CDK12: variants seen among roughly 807,000 people sequenced by gnomAD.
CDK12 encodes cyclin dependent kinase 12.
Under a neutral mutation model 133.8 loss-of-function variants are expected in CDK12, and 17 were observed. The observed-to-expected ratio is 0.13, with a 90% CI of 0.09 to 0.19. The LOEUF is 0.19. CDK12 is among the 10% of genes least tolerant of loss of function. CDK12 has a pLI of 1.00. For synonymous variants in CDK12, 694 were observed against 683.6 expected, an observed-to-expected ratio of 1.02 and a Z score of -0.24; for missense variants, 1,508 against 1,818.7, an observed-to-expected ratio of 0.83 and a Z score of 3.11.
At chr17:39,496,339 G>A (rs1008122576) in intron 5 of CDK12, among the ~76,000 whole-genome samples, 10 of 151,994 alleles carry the variant, frequency 6.6e-5, no homozygotes, top group Non-Finnish European at 1.2e-4. Context: ...ATGTTTATGC[G>A]TAAACATAGG....
At chr17:39,474,293 A>C (rs1239746597) in intron 2 of CDK12, among the ~76,000 whole-genome samples, 2 of 152,146 alleles carry the variant, frequency 1.3e-5, no homozygotes, top group Middle Eastern at 3.2e-3. Flanking sequence ...CCAAGCCTTC[A>C]TTCCTTTCAA....
chr17:39,559,074 C>T (rs752837497), intron 3 of CDK12, among the ~76,000 whole-genome samples: 1 of 152,222 alleles, frequency 6.6e-6, no homozygotes, highest in Non-Finnish European at 1.5e-5. Flanking sequence ...TAGTCTTCCT[C>T]ATTGGAATTC....
At chr17:39,481,416 C>G (rs1002590016) in intron 2 of CDK12, among the ~76,000 whole-genome samples, 6 of 150,146 alleles carry the variant, frequency 4.0e-5, no homozygotes. Flanking sequence ...ATCTCCACCT[C>G]CTGGCCTCAG....
chr17:39,471,537 T>A lies in CDK12; in HGVS notation c.1705T>A (p.Ser569Thr), dbSNP rs898017724. Residue 569 changes from serine to threonine, a missense_variant, in exon 2 of 14, where the codon TCT becomes ACT. Physicochemically the swap from Ser to Thr is moderately conservative, Grantham distance 58. Around this residue, in one of 9 missense-constraint regions of CDK12, gnomAD observed 347 missense variants for 330.8 expected, o/e 1.05. Transcript: ENST00000447079. Reference protein sequence around the residue: ...ALPQQPPLPPSQPAFSQVPAS... With the variant: ...ALPQQPPLPPTQPAFSQVPAS... ...TCCACAGCAACCACCTCTGCCTCCT[T>A]CTCAGCCAGCATTTAGTCAGGTTCC... The A allele has an allele frequency of 3.7e-6, 6 of 1,613,502 alleles. No individual in the cohort carries two copies. The highest frequency in any genetic ancestry group is 5.1e-6 in the Non-Finnish European group (6 of 1,179,926).
At chr17:39,516,132 C>G (rs1312121192) in intron 9 of CDK12, among the ~76,000 whole-genome samples, 1 of 152,120 alleles carries the variant, frequency 6.6e-6, no homozygotes, top group Admixed American at 6.6e-5. Flanking sequence ...TGTTATACAA[C>G]AGATTACTTT....
upstream of CDK12, among the ~76,000 whole-genome samples, chr17:39,548,271 C>T (rs777510639): frequency 6.6e-6 from 1 of 152,142 alleles, no homozygotes; most frequent in Non-Finnish European, 1.5e-5. Flanking sequence ...TGAAAATGGC[C>T]TGAGACCCCT....
At position 39,492,676 on chromosome 17, in the gene CDK12, T is replaced by C. The variant is rs930809881; in HGVS notation, c.2109-75T>C. On this transcript the variant is annotated intron_variant, in intron 3 of 13. Transcript: ENST00000447079. ...TGCCAGCCTCGGCCTCCCAAAGTGC[T>C]GGGATTACAGGCATGAGCCACCGCG... 1.6e-5 allele frequency: 18 copies of C among 1,151,068 alleles called. No individual in the cohort carries two copies. In the African/African-American group the frequency reaches 2.8e-4, roughly 18 times the overall value. 71.3% of individuals were successfully genotyped at this position (1,151,068 alleles called of 1,614,324 possible). A position where few individuals can be genotyped will look rare whatever the true frequency, so the allele number is the denominator to read the frequency against.
At chr17:39,498,309 C>T (rs549949486) in intron 5 of CDK12, among the ~76,000 whole-genome samples, 8 of 151,960 alleles carry the variant, frequency 5.3e-5, no homozygotes, top group Non-Finnish European at 1.0e-4. Flanking sequence ...ACTGCAGCTT[C>T]CACCTCCTGG....
chr17:39,479,907 G>GT (rs1256473960), intron 2 of CDK12, among the ~76,000 whole-genome samples: 1 of 145,006 alleles, frequency 6.9e-6, no homozygotes, highest in African/African-American at 2.6e-5. Flanking sequence ...GATTACAGGC[G>GT]TGAGTCACTG....
rs765325046 is a variant in CDK12, at chr17:39,489,079, A to AT, written c.1932-1460dup. 7.9e-3 allele frequency among the ~76,000 whole-genome samples: 946 copies of AT among 119,892 alleles called. 10 individuals are homozygous for AT. Among genetic ancestry groups the AT allele is most frequent in the African/African-American group, 0.022 (705 of 31,786 alleles). The allele number at this position is 119,892 out of a possible 152,430, so 78.7% of individuals were successfully genotyped here. ...GGAATTACACCACCACACCCAGTTA[A>AT]TTTTTTTTTTTTTTTTTTCGAGATG... On this transcript the variant is annotated intron_variant, in intron 2 of 13. Coordinates refer to ENST00000447079, the MANE Select transcript of CDK12 (RefSeq NM_016507.4).
chr17:39,502,833 G>A (rs1375046119), intron 6 of CDK12, among the ~76,000 whole-genome samples: 1 of 152,156 alleles, frequency 6.6e-6, no homozygotes, highest in African/African-American at 2.4e-5. Context: ...AACATGTTAT[G>A]TCTGGAAAAC....
rs1323918781 is a variant in CDK12 at position 39,481,627 on chromosome 17, T to G, written c.1932-8930T>G. ...GCCCAGCACTTATGTGCTTGCTCGC[T>G]CGCGCGCTCTCTCTCTCTCTCTCTC... is the stretch of plus-strand genomic sequence containing the variant. On this transcript the variant is annotated intron_variant, in intron 2 of 13. Coordinates refer to ENST00000447079, the MANE Select transcript of CDK12 (RefSeq NM_016507.4). Among the ~76,000 whole-genome samples the G allele has an allele frequency of 2.0e-4, 21 of 105,124 alleles. 1 individual carries two copies. Among genetic ancestry groups the G allele is most frequent in the African/African-American group, 5.2e-4 (12 of 23,202 alleles). The allele number at this position is 105,124 out of a possible 152,430, so 69.0% of individuals were successfully genotyped here. A position where few individuals can be genotyped will look rare whatever the true frequency, so the allele number is the denominator to read the frequency against.
Position 39,555,523 on chromosome 17 carries a change from C to T in CDK12, n.357-763C>T, listed in dbSNP as rs142830619. Among the ~76,000 whole-genome samples the T allele has an allele frequency of 9.0e-4, 136 of 151,916 alleles. 3 individuals carry two copies. The East Asian group carries it at 0.023, about 26-fold the overall frequency. On this transcript the variant is annotated intron_variant and non_coding_transcript_variant, in intron 2 of 3. Transcript: ENST00000558240. ...AACAGCTCCATTCCCCCAGCTCTCC[C>T]GGGCAGTATCAGAAGCCCCAGGTTG...
Position 39,562,890 on chromosome 17 carries a change from TCTTTTTC to T in CDK12, n.485-1869_485-1863del, listed in dbSNP as rs1221813826. Reference sequence around the variant, plus strand: ...CTGTCTCTCTCTTCTCCTTTTTTTTTCTTTTTCTTTTCTTTTTTTTTTTTTTTTTTTT... The same window carrying T: ...CTGTCTCTCTCTTCTCCTTTTTTTTTTTTTCTTTTTTTTTTTTTTTTTTTT... On this transcript the variant is annotated intron_variant and non_coding_transcript_variant, in intron 3 of 3. Coordinates refer to the CDK12 transcript ENST00000558240. Among the ~76,000 whole-genome samples the T allele has an allele frequency of 1.0e-4, 5 of 50,026 alleles. No individual in the cohort carries two copies. In the East Asian group the frequency reaches 2.8e-3, roughly 28 times the overall value. 32.8% of individuals were successfully genotyped at this position (50,026 alleles called of 152,430 possible).
At chr17:39,508,789 A>G (rs919018558) in intron 6 of CDK12, among the ~76,000 whole-genome samples, 5 of 152,044 alleles carry the variant, frequency 3.3e-5, no homozygotes, top group Non-Finnish European at 7.4e-5. Flanking sequence ...GAGCACAGGA[A>G]TTTAAGACCA....
At chr17:39,479,382 C>T (rs181746830) in intron 2 of CDK12, among the ~76,000 whole-genome samples, 38 of 150,990 alleles carry the variant, frequency 2.5e-4, no homozygotes, top group African/African-American at 9.2e-4. Flanking sequence ...TCTTCTCACT[C>T]GAGACTGCAG....
chr17:39,563,898 A>C (rs1407380863), intron 3 of CDK12, among the ~76,000 whole-genome samples: 1 of 152,096 alleles, frequency 6.6e-6, no homozygotes, highest in Non-Finnish European at 1.5e-5. Context: ...GGTGCCACTC[A>C]CTTATACTTG....
intron 7 of CDK12, 143 bp downstream of exon 7, chr17:39,509,904 T>A (rs2053373867): frequency 1.5e-6 from 1 of 663,150 alleles, no homozygotes. Context: ...TGGGCTCAGG[T>A]GATTCTCCCA....
chr17:39,481,071 T>C (rs958586847), intron 2 of CDK12, among the ~76,000 whole-genome samples: 1 of 151,794 alleles, frequency 6.6e-6, no homozygotes, highest in Non-Finnish European at 1.5e-5. Flanking sequence ...CTGGCCAACA[T>C]GGAGAAACCC....
Sources: gnomAD v4.1 joint callset for allele counts (sites outside exome capture counted in the v4.1 genomes callset) on GRCh38, gnomAD v4.1.1 for gene constraint, gnomAD v4.1.1 regional missense constraint, MANE v1.5 for transcripts, NCBI Gene and HGNC (gene_info 2026-07-23, HGNC 2026-07-21) for gene names.